Variants in CERT1 observed in about 807,000 individuals in gnomAD.
The protein encoded by CERT1 is ceramide transporter 1, also known as ceramide transfer protein.
A neutral mutation model predicts 87.9 loss-of-function variants in CERT1; 31 were observed. That is an observed-to-expected ratio of 0.35 (90% CI 0.27 to 0.48). CERT1 has a LOEUF of 0.48. Ranked by LOEUF, CERT1 falls within the 20% of genes least tolerant of loss-of-function variation. The pLI is 0.99. For synonymous variants in CERT1, 289 were observed against 250.9 expected, an observed-to-expected ratio of 1.15 and a Z score of -1.44; for missense variants, 487 against 758.0, an observed-to-expected ratio of 0.64 and a Z score of 4.20.
At position 75,420,935 on chromosome 5, in the gene CERT1, C is replaced by A. The variant is rs576169189; in HGVS notation, c.596-1511G>T. The stretch of plus-strand genomic sequence containing the variant: ...CCTCCCAGGCTCAAGCAATCCTACT[C>A]AGCCCCTTGAGCAGCTGGGAACACA... On this transcript the variant is annotated intron_variant, in intron 5 of 16. Coordinates refer to ENST00000643780, the MANE Select transcript of CERT1 (RefSeq NM_001379029.1). Among the ~76,000 whole-genome samples, 5 of 152,274 alleles carry A rather than the reference C, an allele frequency of 3.3e-5. No individual in the cohort carries two copies. The East Asian group carries it at 9.7e-4, about 29-fold the overall frequency.
chr5:75,384,182 C>T (rs1014818039), intron 14 of CERT1, among the ~76,000 whole-genome samples: 2 of 152,124 alleles, frequency 1.3e-5, no homozygotes, highest in East Asian at 1.9e-4. Flanking sequence ...AAACTAGATA[C>T]TAGAAAGGTA....
chr5:75,468,193 A>T (rs2112344105), intron 2 of CERT1, among the ~76,000 whole-genome samples: 1 of 152,360 alleles, frequency 6.6e-6, no homozygotes, highest in South Asian at 2.1e-4. Flanking sequence ...ATCATTTTGA[A>T]TAACTATCCA....
chr5:75,489,510 C>A (rs998620352), intron 2 of CERT1, among the ~76,000 whole-genome samples: 2 of 151,972 alleles, frequency 1.3e-5, no homozygotes, highest in South Asian at 2.1e-4. Context: ...TGACAAATGG[C>A]CAATATGCAG....
chr5:75,369,394 T>G (rs1414180754), intron 17 of CERT1: 1 of 152,146 alleles, frequency 6.6e-6, no homozygotes, highest in African/African-American at 2.4e-5. Flanking sequence ...AATATTGAAG[T>G]GTGGGACTAA....
chr5:75,508,468 G>A (rs781009282), intron 1 of CERT1, among the ~76,000 whole-genome samples: 10 of 152,142 alleles, frequency 6.6e-5, no homozygotes, highest in Non-Finnish European at 1.5e-4. Context: ...ATAAGAGACT[G>A]AACAAACTGT....
chr5:75,507,787 G>A (rs921944422), intron 1 of CERT1, among the ~76,000 whole-genome samples: 13 of 152,002 alleles, frequency 8.6e-5, no homozygotes, highest in African/African-American at 2.2e-4. Context: ...GTTGACTGAC[G>A]GCCGAATAAA....
intron 3 of CERT1, among the ~76,000 whole-genome samples, chr5:75,438,109 C>T (rs567562170): frequency 1.1e-4 from 16 of 152,100 alleles, no homozygotes; most frequent in African/African-American, 3.4e-4. Flanking sequence ...AAAGAAAAGA[C>T]TCATTATATT....
intron 2 of CERT1, among the ~76,000 whole-genome samples, chr5:75,500,541 A>AATT (rs1322377452): frequency 1.3e-5 from 2 of 152,190 alleles, no homozygotes; most frequent in Non-Finnish European, 2.9e-5. Context: ...TAAACAGATA[A>AATT]ATTATGAGTT....
chr5:75,471,407 C>T (rs1435638104), intron 2 of CERT1, among the ~76,000 whole-genome samples: 1 of 152,152 alleles, frequency 6.6e-6, no homozygotes, highest in South Asian at 2.1e-4. Context: ...ATGGCTACAA[C>T]ATCATTAGGT....
intron 2 of CERT1, among the ~76,000 whole-genome samples, chr5:75,476,688 A>T (rs1158206876): frequency 6.6e-6 from 1 of 152,254 alleles, no homozygotes; most frequent in African/African-American, 2.4e-5. Context: ...AATCAAAATG[A>T]TAACTTGTTG....
intron 2 of CERT1, among the ~76,000 whole-genome samples, chr5:75,475,225 G>A (rs997299035): frequency 2.6e-5 from 4 of 152,104 alleles, no homozygotes; most frequent in African/African-American, 9.7e-5. Flanking sequence ...AGGAACAAAT[G>A]CCATGATAGC....
chr5:75,372,918 AC>A (rs1761137425), downstream of CERT1: 1 of 152,262 alleles, frequency 6.6e-6, no homozygotes, highest in Non-Finnish European at 1.5e-5. Flanking sequence ...GTATAAATAC[AC>A]TGGTGTGTAA....
chr5:75,379,613 G>C, intron 16 of CERT1, 140 bp from the exon 17 acceptor site: 1 of 787,404 alleles, frequency 1.3e-6, no homozygotes. Flanking sequence ...TTGAGACGGA[G>C]TCTTGCTCTG....
At chr5:75,440,572 C>T (rs548092017) in intron 3 of CERT1, among the ~76,000 whole-genome samples, 11 of 152,152 alleles carry the variant, frequency 7.2e-5, no homozygotes, top group Non-Finnish European at 1.2e-4. Flanking sequence ...CTAGAACATG[C>T]GATAAACTTT....
At chr5:75,386,245 G>C (rs1246571461) in intron 12 of CERT1, among the ~76,000 whole-genome samples, 1 of 152,114 alleles carries the variant, frequency 6.6e-6, no homozygotes, top group Non-Finnish European at 1.5e-5. Flanking sequence ...ATAAAAACAT[G>C]CATATGTGAT....
chr5:75,417,099 T>G (rs190200142), intron 6 of CERT1, 66 bp from the exon 7 acceptor site: 4 of 1,272,642 alleles, frequency 3.1e-6, no homozygotes, highest in African/African-American at 3.0e-5. Flanking sequence ...AATTTAAGAT[T>G]AGAAAATGTT....
intron 8 of CERT1, among the ~76,000 whole-genome samples, chr5:75,409,327 C>T (rs1762836921): frequency 6.6e-6 from 1 of 152,096 alleles, no homozygotes; most frequent in South Asian, 2.1e-4. Flanking sequence ...CATCAGAATG[C>T]ACTCTCACAG....
chr5:75,395,881 AAACAACAACAAC>A (rs530981055), intron 11 of CERT1, among the ~76,000 whole-genome samples: 1 of 151,788 alleles, frequency 6.6e-6, no homozygotes, highest in South Asian at 2.1e-4. Flanking sequence ...ATGAAAAAAC[AAACAACAACAAC>A]AACAACAACA....
intron 2 of CERT1, among the ~76,000 whole-genome samples, chr5:75,482,428 C>T (rs1399981796): frequency 6.6e-6 from 1 of 152,198 alleles, no homozygotes; most frequent in Non-Finnish European, 1.5e-5. Flanking sequence ...TGACTCCAGG[C>T]CCCGGCCCAG....
Sources: gnomAD v4.1 joint callset for allele counts (sites outside exome capture counted in the v4.1 genomes callset) on GRCh38, gnomAD v4.1.1 for gene constraint, MANE v1.5 for transcripts, NCBI Gene and HGNC (gene_info 2026-07-23, HGNC 2026-07-21) for gene names.